SUSD6: variants seen among roughly 807,000 people sequenced by gnomAD.
SUSD6 encodes the protein sushi domain-containing protein 6.
In SUSD6, 16 loss-of-function variants were observed where a neutral mutation model predicts 28.4. The observed-to-expected ratio is 0.56, with a 90% CI of 0.38 to 0.86. The LOEUF is 0.86. Among genes scored for constraint, SUSD6 ranks in the 40% least tolerant of loss-of-function variants. The pLI is 0.00. For synonymous variants in SUSD6, 147 were observed against 159.6 expected (o/e 0.92, Z 0.59); for missense variants, 341 against 384.2 (o/e 0.89, Z 0.94).
intron 2 of SUSD6, among the ~76,000 whole-genome samples, chr14:69,697,170 C>T (rs978843951): frequency 1.3e-5 from 2 of 152,122 alleles, no homozygotes; most frequent in African/African-American, 2.4e-5. Context: ...TGTCTTTTAG[C>T]ATGCTACTGC....
At chr14:69,658,822 A>C in intron 2 of SUSD6, 109 bp downstream of exon 2, 1 of 1,432,680 alleles carries the variant, frequency 7.0e-7, no homozygotes. Context: ...TTTCAGGGAG[A>C]GCAGAGGGTG....
At chr14:69,661,504 T>TC (rs1885660338) in intron 2 of SUSD6, among the ~76,000 whole-genome samples, 2 of 151,970 alleles carry the variant, frequency 1.3e-5, no homozygotes, top group South Asian at 2.1e-4. Flanking sequence ...CACCCCAACC[T>TC]CCAAGTCTTT....
intron 1 of SUSD6, among the ~76,000 whole-genome samples, chr14:69,628,645 G>C (rs531848306): frequency 2.0e-4 from 31 of 151,710 alleles, no homozygotes; most frequent in African/African-American, 7.3e-4. Context: ...ACCAAGCTCT[G>C]AAACATTTCA....
chr14:69,649,175 A>C (rs1885468992), intron 1 of SUSD6, among the ~76,000 whole-genome samples: 1 of 152,230 alleles, frequency 6.6e-6, no homozygotes, highest in African/African-American at 2.4e-5. Flanking sequence ...TAAGTTGTGA[A>C]TTCCTTGAGA....
At chr14:69,689,524 C>A (rs1192886463) in intron 2 of SUSD6, among the ~76,000 whole-genome samples, 1 of 152,212 alleles carries the variant, frequency 6.6e-6, no homozygotes, top group Non-Finnish European at 1.5e-5. Flanking sequence ...TCCTCAAGGG[C>A]ACACCATGTG....
chr14:69,708,842 G>A lies in SUSD6; in HGVS notation c.624G>A (p.Gly208=), dbSNP rs143320452. The change falls in exon 5 of 6, where the codon GGG becomes GGA. Residue 208 remains glycine (G), a synonymous_variant. Coordinates refer to ENST00000342745, the MANE Select transcript of SUSD6 (RefSeq NM_014734.4). ...IVLSEGSGPS[G]RSVPREQQLP... is the part of the protein sequence containing the mutation. Reference sequence around the variant, plus strand: ...TGTCAGAAGGGTCTGGGCCCAGTGGGAGGAGCGTGCCAAGGGAGCAACAGC... The same window carrying A: ...TGTCAGAAGGGTCTGGGCCCAGTGGAAGGAGCGTGCCAAGGGAGCAACAGC... 5.1e-4 allele frequency: 824 copies of A among 1,614,174 alleles called. 13 individuals are homozygous for A. The Middle Eastern group carries it at 0.02, about 38-fold the overall frequency.
intron 1 of SUSD6, among the ~76,000 whole-genome samples, chr14:69,650,626 A>G (rs2139608776): frequency 6.6e-6 from 1 of 152,272 alleles, no homozygotes; most frequent in East Asian, 1.9e-4. Flanking sequence ...TCCTGCTCAC[A>G]GGCACTTTGC....
At chr14:69,689,208 A>T (rs1212944826) in intron 2 of SUSD6, among the ~76,000 whole-genome samples, 1 of 152,142 alleles carries the variant, frequency 6.6e-6, no homozygotes, top group Non-Finnish European at 1.5e-5. Flanking sequence ...CTTCTTCAGA[A>T]CTTTCTGTAG....
intron 5 of SUSD6, 118 bp downstream of exon 5, chr14:69,709,222 C>T (rs1886428964): frequency 2.1e-6 from 2 of 959,238 alleles, no homozygotes; most frequent in Admixed American, 3.0e-5. Context: ...AAGATAGTAC[C>T]TGGGGTATTT....
rs1480541004 is a variant in SUSD6 at position 69,670,443 on chromosome 14, G to A, written c.121+11730G>A. ...AGGAATACTCATTAGGGGGTCTCCT[G>A]ACTCAGCTTGAATTGGTCATGGAAG... is the stretch of plus-strand genomic sequence containing the variant. On this transcript the variant is annotated intron_variant, in intron 2 of 5. Transcript: ENST00000342745. The A allele has an allele frequency of 1.3e-5, 6 of 456,758 alleles. No homozygotes were observed. In the East Asian group the frequency reaches 4.2e-4, roughly 32 times the overall value. 28.3% of individuals were successfully genotyped at this position (456,758 alleles called of 1,614,324 possible). A position where few individuals can be genotyped will look rare whatever the true frequency, so the allele number is the denominator to read the frequency against.
At chr14:69,612,582 G>A (rs949314109) in intron 1 of SUSD6, among the ~76,000 whole-genome samples, 3 of 152,154 alleles carry the variant, frequency 2.0e-5, no homozygotes, top group East Asian at 3.9e-4. Flanking sequence ...AGGAGCAGGA[G>A]GGGGAGGTGG....
At chr14:69,669,804 TTG>T (rs558220241) in intron 2 of SUSD6, among the ~76,000 whole-genome samples, 10 of 151,434 alleles carry the variant, frequency 6.6e-5, no homozygotes, top group Non-Finnish European at 1.3e-4. Context: ...AGAGTGGGCT[TTG>T]TGTGTGTTTA....
At chr14:69,640,337 T>C (rs1885333684) in intron 1 of SUSD6, among the ~76,000 whole-genome samples, 1 of 151,928 alleles carries the variant, frequency 6.6e-6, no homozygotes, top group African/African-American at 2.4e-5. Flanking sequence ...ATATAATATA[T>C]AATATATATA....
intron 2 of SUSD6, among the ~76,000 whole-genome samples, chr14:69,668,198 G>C (rs1471092147): frequency 1.3e-5 from 2 of 152,228 alleles, no homozygotes; most frequent in Non-Finnish European, 2.9e-5. Flanking sequence ...GGATGCAGGT[G>C]GTGGGGCTCT....
At chr14:69,669,217 C>T (rs907500655) in intron 2 of SUSD6, among the ~76,000 whole-genome samples, 1 of 151,888 alleles carries the variant, frequency 6.6e-6, no homozygotes, top group Non-Finnish European at 1.5e-5. Flanking sequence ...GCATGTGCCA[C>T]CATGCCTGGC....
chr14:69,649,743 G>A (rs1885477070), intron 1 of SUSD6, among the ~76,000 whole-genome samples: 1 of 152,186 alleles, frequency 6.6e-6, no homozygotes, highest in African/African-American at 2.4e-5. Context: ...TCCTGGTCCA[G>A]GCAGGGATGC....
At chr14:69,707,810 G>C (rs1886406937) in intron 4 of SUSD6, among the ~76,000 whole-genome samples, 2 of 152,154 alleles carry the variant, frequency 1.3e-5, no homozygotes, top group African/African-American at 2.4e-5. Flanking sequence ...AGTGTTGAAG[G>C]ATTCATGTTT....
At chr14:69,640,800 T>TA (rs1347708996) in intron 1 of SUSD6, among the ~76,000 whole-genome samples, 4 of 152,274 alleles carry the variant, frequency 2.6e-5, no homozygotes, top group African/African-American at 9.6e-5. Context: ...ATGAATCCTC[T>TA]GATAGCTTTT....
chr14:69,629,820 G>T (rs1411136748), intron 1 of SUSD6, among the ~76,000 whole-genome samples: 1 of 152,226 alleles, frequency 6.6e-6, no homozygotes, highest in Non-Finnish European at 1.5e-5. Context: ...CGTGTGTTGG[G>T]GGTGGTATAT....
Sources: gnomAD v4.1 joint callset for allele counts (sites outside exome capture counted in the v4.1 genomes callset) on GRCh38, gnomAD v4.1.1 for gene constraint, MANE v1.5 for transcripts, NCBI Gene and HGNC (gene_info 2026-07-23, HGNC 2026-07-21) for gene names.